ATP9A: variants seen among roughly 807,000 people sequenced by gnomAD.
ATP9A encodes probable phospholipid-transporting ATPase IIA.
Under a neutral mutation model 144.1 loss-of-function variants are expected in ATP9A, and 52 were observed. The ratio of observed to expected loss-of-function variants is 0.36; its 90% confidence interval spans 0.29 to 0.45. ATP9A has a LOEUF of 0.45. Among genes scored for constraint, ATP9A ranks in the 20% least tolerant of loss-of-function variants. The probability of loss-of-function intolerance (pLI) is 1.00; values close to 1 mark genes in which losing one functional copy is unlikely to be tolerated. For missense variants in ATP9A, 947 were observed against 1,392.7 expected (o/e 0.68, Z 5.09); for synonymous variants, 582 against 557.4 (o/e 1.04, Z -0.62).
chr20:51,677,683 A>G (rs2122797449), intron 9 of ATP9A, among the ~76,000 whole-genome samples: 1 of 152,226 alleles, frequency 6.6e-6, no homozygotes, highest in East Asian at 1.9e-4. Flanking sequence ...TAACTTGCCC[A>G]TTTGGGGATG....
intron 10 of ATP9A, among the ~76,000 whole-genome samples, chr20:51,675,177 T>C (rs1245478711): frequency 6.6e-6 from 1 of 152,102 alleles, no homozygotes; most frequent in Non-Finnish European, 1.5e-5. Flanking sequence ...AAGTAACAAA[T>C]CATATCCATA....
At chr20:51,633,670 C>T (rs952604130) in intron 15 of ATP9A, among the ~76,000 whole-genome samples, 2 of 151,830 alleles carry the variant, frequency 1.3e-5, no homozygotes, top group African/African-American at 2.4e-5. Context: ...CCCTTGAGTC[C>T]AGCAGGTCAA....
At chr20:51,644,978 A>C (rs550378540) in intron 14 of ATP9A, among the ~76,000 whole-genome samples, 2 of 152,364 alleles carry the variant, frequency 1.3e-5, no homozygotes, top group East Asian at 3.9e-4. Context: ...AGGGCTGGGC[A>C]GCAGAATCGG....
intron 1 of ATP9A, among the ~76,000 whole-genome samples, chr20:51,741,034 T>TTTAATTAAAAATAAATTTTAA (rs2122888725): frequency 6.7e-6 from 1 of 148,442 alleles, no homozygotes; most frequent in South Asian, 2.1e-4. Context: ...TAAATTTTAA[T>TTTAATTAAAAATAAATTTTAA]TTAATTAATT....
At chr20:51,657,189 G>A in intron 13 of ATP9A, 39 bp from the exon 14 acceptor site, 1 of 1,554,582 alleles carries the variant, frequency 6.4e-7, no homozygotes, top group Non-Finnish European at 8.9e-7. Context: ...ATGACCAGAG[G>A]CAGGAATGAT....
intron 18 of ATP9A, 76 bp downstream of exon 18, chr20:51,625,116 C>G: frequency 6.9e-7 from 1 of 1,453,582 alleles, no homozygotes; most frequent in Admixed American, 1.9e-5. Flanking sequence ...CCCTTTCCCC[C>G]TGTGATCTCC....
chr20:51,636,865 G>T (rs183251028), intron 15 of ATP9A, among the ~76,000 whole-genome samples: 3 of 152,230 alleles, frequency 2.0e-5, no homozygotes, highest in Non-Finnish European at 4.4e-5. Flanking sequence ...CAAGGTGGGC[G>T]GATTGCTTGA....
chr20:51,725,919 T>A lies in ATP9A; in HGVS notation c.227A>T (p.Gln76Leu), dbSNP rs1433380157. The A allele has an allele frequency of 6.2e-7, 1 of 1,606,816 alleles. No individual in the cohort carries two copies. Among genetic ancestry groups the A allele is most frequent in the Non-Finnish European group, 8.5e-7 (1 of 1,173,316 alleles). The change falls in exon 3 of 28, where the codon CAG (glutamine) becomes CTG (leucine). Residue 76 changes from glutamine (Q) to leucine (L), a missense_variant. Coordinates refer to ENST00000338821, the MANE Select transcript of ATP9A (RefSeq NM_006045.3). ...FTFLPGVLFN[Q>L]FKYFFNLYFL... Reference sequence around the variant, plus strand: ...ATAGAGGTTGAAAAAGTATTTGAACTGGTTGAACAGCACCTGGAATGGAGG... The same window carrying A: ...ATAGAGGTTGAAAAAGTATTTGAACAGGTTGAACAGCACCTGGAATGGAGG...
intron 17 of ATP9A, among the ~76,000 whole-genome samples, chr20:51,626,742 A>G (rs755839311): frequency 4.6e-5 from 7 of 152,052 alleles, no homozygotes; most frequent in Non-Finnish European, 8.8e-5. Flanking sequence ...GCCAAGGACT[A>G]TCTTTAACTA....
At position 51,738,380 on chromosome 20, in the gene ATP9A, C is replaced by A. The variant is rs111427641; in HGVS notation, c.69-8402G>T. Among the ~76,000 whole-genome samples the A allele has an allele frequency of 7.3e-3, 1,104 of 152,208 alleles. 15 individuals carry two copies. Among genetic ancestry groups the A allele is most frequent in the African/African-American group, 0.025 (1,026 of 41,540 alleles). On this transcript the variant is annotated intron_variant, in intron 1 of 27. Coordinates refer to ENST00000338821, the MANE Select transcript of ATP9A (RefSeq NM_006045.3). ...AAATTGAACTGCATATAGATTGGGG[C>A]AAGTAGGGCAGCACAAGCTCCATCG...
At chr20:51,712,604 T>C (rs2077644406) in intron 4 of ATP9A, among the ~76,000 whole-genome samples, 1 of 152,238 alleles carries the variant, frequency 6.6e-6, no homozygotes, top group South Asian at 2.1e-4. Flanking sequence ...TGAAAACAGT[T>C]TGCAGCCTCT....
intron 14 of ATP9A, among the ~76,000 whole-genome samples, chr20:51,647,525 T>C (rs1277651562): frequency 6.6e-6 from 1 of 152,036 alleles, no homozygotes; most frequent in African/African-American, 2.4e-5. Context: ...TACTCCAGCC[T>C]GAGCAACAGA....
At position 51,674,256 on chromosome 20, in the gene ATP9A, C is replaced by A. The variant is rs1415001057; in HGVS notation, c.934G>T (p.Val312Leu). 6.2e-7 allele frequency: 1 copy of A among 1,613,900 alleles called. No individual in the cohort carries two copies. The highest frequency in any genetic ancestry group is 8.5e-7 in the Non-Finnish European group (1 of 1,179,990). ...CLTKILFGAL[V>L]VVSLVMVALQ... ...GCAACCATGACCAGCGAGACCACCACCAGGGCACCAAAGAGGATCTTGGTG... is the reference window on the plus strand; with the variant it reads ...GCAACCATGACCAGCGAGACCACCAACAGGGCACCAAAGAGGATCTTGGTG... Residue 312 changes from valine to leucine, a missense_variant, in exon 11 of 28, where the codon GTG becomes TTG. Physicochemically the swap from Val to Leu is conservative, Grantham distance 32. Around this residue, in one of 2 missense-constraint regions of ATP9A, gnomAD observed 770 missense variants for 1,047.9 expected, o/e 0.73. Coordinates refer to ENST00000338821, the MANE Select transcript of ATP9A (RefSeq NM_006045.3).
intron 4 of ATP9A, among the ~76,000 whole-genome samples, chr20:51,712,239 A>ACC (rs2077642492): frequency 6.6e-6 from 1 of 151,440 alleles, no homozygotes; most frequent in African/African-American, 2.4e-5. Flanking sequence ...TGCCCGGCTA[A>ACC]TTTTTTTTGT....
At chr20:51,697,302 C>A (rs1175342398) in intron 5 of ATP9A, 122 bp downstream of exon 5, 2 of 820,462 alleles carry the variant, frequency 2.4e-6, no homozygotes, top group Non-Finnish European at 3.9e-6. Flanking sequence ...GATTTTTCTC[C>A]CCAGGCAAAG....
intron 10 of ATP9A, among the ~76,000 whole-genome samples, chr20:51,675,052 T>C (rs1316315072): frequency 1.3e-5 from 2 of 152,138 alleles, no homozygotes; most frequent in Non-Finnish European, 2.9e-5. Flanking sequence ...CCTCAGGTGA[T>C]CCACCTGCCT....
At chr20:51,688,625 A>G (rs2077533914) in intron 9 of ATP9A, among the ~76,000 whole-genome samples, 1 of 152,052 alleles carries the variant, frequency 6.6e-6, no homozygotes, top group South Asian at 2.1e-4. Flanking sequence ...AGAGAAAAAG[A>G]AAAAGAAAGG....
chr20:51,647,821 A>G (rs955021378), intron 14 of ATP9A, among the ~76,000 whole-genome samples: 1 of 152,192 alleles, frequency 6.6e-6, no homozygotes, highest in African/African-American at 2.4e-5. Context: ...TTTTGCCTCT[A>G]TGGCCCATGG....
intron 23 of ATP9A, among the ~76,000 whole-genome samples, chr20:51,612,950 C>T (rs922662501): frequency 6.6e-6 from 1 of 152,158 alleles, no homozygotes; most frequent in Non-Finnish European, 1.5e-5. Flanking sequence ...CAAGTGGACA[C>T]GGTCCCAGGC....
Sources: allele counts gnomAD v4.1 joint callset (sites outside exome capture counted in the v4.1 genomes callset), GRCh38; gene constraint gnomAD v4.1.1; regional missense constraint gnomAD v4.1.1; transcripts MANE v1.5; gene names NCBI Gene and HGNC (gene_info 2026-07-23, HGNC 2026-07-21).